Variants in NISCH observed in about 807,000 individuals in gnomAD.
NISCH encodes the protein nischarin.
In NISCH, 55 loss-of-function variants were observed where a neutral mutation model predicts 138.4. The ratio of observed to expected loss-of-function variants is 0.40; its 90% CI spans 0.32 to 0.50. The LOEUF is 0.50. Ranked by LOEUF, NISCH falls within the 20% of genes least tolerant of loss-of-function variation. The pLI, the probability that NISCH is intolerant of heterozygous loss-of-function variation, is 0.71. For missense variants in NISCH, 1,643 were observed against 2,005.5 expected (o/e 0.82, Z 3.45); for synonymous variants, 860 against 861.5 (o/e 1.00, Z 0.03).
In NISCH at chr3:52,491,834, C is replaced by T. The variant is rs372433427; in HGVS notation, c.3905-38C>T. ...TGGTGCTCCCAGCCCCACCAGGGGC[C>T]GGTTCCAGGCTATAGCCCAGGTGGC... On this transcript the variant is annotated intron_variant, in intron 20 of 20. Transcript: ENST00000345716. 31 of 1,533,050 alleles carry T rather than the reference C, an allele frequency of 2.0e-5. 1 individual carries two copies. Among genetic ancestry groups the T allele is most frequent in the South Asian group, 7.6e-5 (6 of 78,608 alleles). The allele number at this position is 1,533,050 out of a possible 1,614,324, so 95.0% of individuals were successfully genotyped here. A position where few individuals can be genotyped will look rare whatever the true frequency, so the allele number is the denominator to read the frequency against.
In NISCH at chr3:52,490,169, C is replaced by T. The variant is rs1256727849; in HGVS notation, c.3551C>T (p.Thr1184Ile). The T allele has an allele frequency of 3.7e-6, 6 of 1,613,440 alleles. No homozygotes were observed. In the Admixed American group the frequency reaches 8.3e-5, roughly 22 times the overall value. Residue 1184 changes from threonine to isoleucine, a missense_variant, in exon 18 of 21, where the codon ACC (threonine) becomes ATC (isoleucine). Thr to Ile is a moderately conservative substitution (Grantham distance 89). Transcript: ENST00000345716. ...GTGACTGCCTGCGTGCTGCTCTCCACCAAGGCTGTGTACTTTGTGCTCCAC... is the reference window on the plus strand; with the variant it reads ...GTGACTGCCTGCGTGCTGCTCTCCATCAAGGCTGTGTACTTTGTGCTCCAC... ...LEVTACVLLS[T>I]KAVYFVLHDG...
chr3:52,475,787 T>G (rs1464943207), intron 7 of NISCH: 1 of 152,304 alleles, frequency 6.6e-6, no homozygotes, highest in Non-Finnish European at 1.5e-5. Context: ...GAGGCTGCAG[T>G]GAGCCATGAT....
At position 52,491,587 on chromosome 3, in the gene NISCH, C is replaced by T; in HGVS notation, c.3904+74C>T. On this transcript the variant is annotated intron_variant, in intron 20 of 20. Transcript: ENST00000345716. The stretch of plus-strand genomic sequence containing the variant: ...ATGGGCCCCAGGGTGGCTCTCTGTG[C>T]CCCAGAACCCTCTCTGCCTCTATGT... The T allele has an allele frequency of 4.1e-6, 6 of 1,467,012 alleles. No homozygotes were observed. The South Asian group carries it at 5.3e-5, about 13-fold the overall frequency. The allele number at this position is 1,467,012 out of a possible 1,614,324, so 90.9% of individuals were successfully genotyped here. A position where few individuals can be genotyped will look rare whatever the true frequency, so the allele number is the denominator to read the frequency against.
chr3:52,477,945 A>G (rs891303785), intron 9 of NISCH, 152 bp from the exon 10 acceptor site: 28 of 829,252 alleles, frequency 3.4e-5, no homozygotes, highest in Non-Finnish European at 5.4e-5. Context: ...TGTGCGGCAG[A>G]GAAGAGGGAC....
chr3:52,480,378 T>C (rs1478103313), intron 13 of NISCH, 83 bp downstream of exon 13: 3 of 1,574,930 alleles, frequency 1.9e-6, no homozygotes, highest in Non-Finnish European at 2.6e-6. Flanking sequence ...GGGGGAGAGG[T>C]GCCAGCACCT....
intron 19 of NISCH, 34 bp from the exon 20 acceptor site, chr3:52,491,318 G>T: frequency 6.3e-7 from 1 of 1,589,572 alleles, no homozygotes; most frequent in South Asian, 1.1e-5. Flanking sequence ...GGGGAGCGCC[G>T]GCCTGTGGCC....
intron 13 of NISCH, 51 bp from the exon 14 acceptor site, chr3:52,484,462 T>TTGGCGCCCCCCCCC: frequency 2.5e-6 from 2 of 788,670 alleles, no homozygotes; most frequent in Non-Finnish European, 3.7e-6. Context: ...ACAGCCGCTC[T>TTGGCGCCCCCCCCC]CCCCGCCCCA....
rs986001255 is a variant in NISCH, at chr3:52,470,801, G to T, written c.361-58G>T. ...AGAGGGGATAGATAGCGGGGAATGT[G>T]ACCCCAGGGACTGGGGTCAGGTGGA... On this transcript the variant is annotated intron_variant, in intron 3 of 20. Coordinates refer to ENST00000345716, the MANE Select transcript of NISCH (RefSeq NM_007184.4). 7 of 1,426,020 alleles carry T rather than the reference G, an allele frequency of 4.9e-6. No individual in the cohort carries two copies. The East Asian group carries it at 1.1e-4, about 23-fold the overall frequency. 88.3% of individuals were successfully genotyped at this position (1,426,020 alleles called of 1,614,324 possible).
chr3:52,482,263 C>G (rs992566570), intron 13 of NISCH, among the ~76,000 whole-genome samples: 1 of 152,186 alleles, frequency 6.6e-6, no homozygotes, highest in Non-Finnish European at 1.5e-5. Context: ...CAGCCTGATT[C>G]CCGAGAAGGG....
chr3:52,474,884 G>A (rs1000428834), intron 7 of NISCH, among the ~76,000 whole-genome samples: 4 of 152,220 alleles, frequency 2.6e-5, no homozygotes, highest in Admixed American at 1.3e-4. Flanking sequence ...GGCTTGATTA[G>A]AAGGTGAGGT....
In NISCH at chr3:52,464,498, T is replaced by C. The variant is rs751517206; in HGVS notation, c.360+5654T>C. ...ACTTTTAGAAACATGCAAATACTTT[T>C]TCACATTCTGTGAGTTGTCTTTTTT... On this transcript the variant is annotated intron_variant, in intron 3 of 20. Coordinates refer to ENST00000345716, the MANE Select transcript of NISCH (RefSeq NM_007184.4). 9.3e-5 allele frequency among the ~76,000 whole-genome samples: 14 copies of C among 150,158 alleles called. No individual in the cohort carries two copies. The East Asian group carries it at 9.8e-4, about 11-fold the overall frequency.
chr3:52,488,541 C>G lies in NISCH; in HGVS notation c.3049C>G (p.Pro1017Ala). 6.2e-7 allele frequency: 1 copy of G among 1,613,082 alleles called. No homozygotes were observed. The highest frequency in any genetic ancestry group is 8.5e-7 in the Non-Finnish European group (1 of 1,179,960). Residue 1017 changes from proline to alanine, a missense_variant, in exon 16 of 21, where the codon CCC becomes GCC. Physicochemically the swap from Pro to Ala is conservative, Grantham distance 27. Transcript: ENST00000345716. Reference sequence around the variant, plus strand: ...GAAGACTGTGGTCATCGCCAAGACCCCCGGGACGGGAGGCAGCCCCCAGGG... The same window carrying G: ...GAAGACTGTGGTCATCGCCAAGACCGCCGGGACGGGAGGCAGCCCCCAGGG... ...DLKTVVIAKT[P>A]GTGGSPQGSF... is the part of the protein sequence containing the mutation.
intron 13 of NISCH, among the ~76,000 whole-genome samples, chr3:52,483,196 G>A (rs1398167937): frequency 6.6e-6 from 1 of 152,156 alleles, no homozygotes; most frequent in Non-Finnish European, 1.5e-5. Context: ...CTTCGTGGGG[G>A]CGTTTGAGCT....
intron 8 of NISCH, 106 bp from the exon 9 acceptor site, chr3:52,477,468 T>G (rs1707130261): frequency 1.1e-6 from 1 of 886,596 alleles, no homozygotes; most frequent in African/African-American, 1.6e-5. Flanking sequence ...CCCGTGGGAG[T>G]CCATGGTCGG....
At chr3:52,456,595 G>A (rs895073606) in intron 1 of NISCH, among the ~76,000 whole-genome samples, 5 of 152,234 alleles carry the variant, frequency 3.3e-5, no homozygotes, top group African/African-American at 1.2e-4. Context: ...GCAGGGTAGG[G>A]AGTGGGTGGG....
intron 19 of NISCH, 141 bp downstream of exon 19, chr3:52,490,974 G>T: frequency 8.2e-7 from 1 of 1,212,784 alleles, no homozygotes. Flanking sequence ...GTGGGAGGAA[G>T]CAGCTTCAGG....
chr3:52,477,874 G>A (rs1387625004), intron 9 of NISCH: 1 of 628,942 alleles, frequency 1.6e-6, no homozygotes, highest in Non-Finnish European at 2.8e-6. Context: ...TCCTGAAGGT[G>A]GACAGCCATG....
At chr3:52,483,562 G>A (rs956718844) in intron 13 of NISCH, among the ~76,000 whole-genome samples, 2 of 152,214 alleles carry the variant, frequency 1.3e-5, no homozygotes, top group Non-Finnish European at 2.9e-5. Flanking sequence ...GTGCATTTAC[G>A]GGACGCAGTG....
rs1205173444 is a variant in NISCH at position 52,472,184 on chromosome 3, T to C, written c.574-119T>C. On this transcript the variant is annotated intron_variant, in intron 5 of 20. Coordinates refer to ENST00000345716, the MANE Select transcript of NISCH (RefSeq NM_007184.4). ...TGTCCCGTTAAATTAAGTCCTGGCCTGAGCCTGCTTTGTTGAAGACAGAAG... is the reference window on the plus strand; with the variant it reads ...TGTCCCGTTAAATTAAGTCCTGGCCCGAGCCTGCTTTGTTGAAGACAGAAG... The C allele has an allele frequency of 2.8e-6, 3 of 1,077,736 alleles. No individual in the cohort carries two copies. In the East Asian group the frequency reaches 7.1e-5, roughly 26 times the overall value. 66.8% of individuals were successfully genotyped at this position (1,077,736 alleles called of 1,614,324 possible).
Sources: allele counts gnomAD v4.1 joint callset (sites outside exome capture counted in the v4.1 genomes callset), GRCh38; gene constraint gnomAD v4.1.1; transcripts MANE v1.5; gene names NCBI Gene and HGNC (gene_info 2026-07-23, HGNC 2026-07-21).